The following MLIP variants were observed in gnomAD, a reference collection of about 807,000 sequenced individuals.
MLIP encodes muscular LMNA-interacting protein.
A neutral mutation model predicts 84.8 loss-of-function variants in MLIP; 79 were observed. The ratio of observed to expected loss-of-function variants is 0.93; its 90% CI spans 0.78 to 1.12. The LOEUF is 1.12. MLIP is among the 50% of genes most tolerant of loss of function. The pLI is 0.00. For synonymous variants in MLIP, 504 were observed against 463.0 expected (o/e 1.09, Z -1.14); for missense variants, 1,257 against 1,160.6 (o/e 1.08, Z -1.21).
intron 11 of MLIP, among the ~76,000 whole-genome samples, chr6:54,205,170 C>T (rs981702891): frequency 1.3e-5 from 2 of 152,208 alleles, no homozygotes; most frequent in Non-Finnish European, 2.9e-5. Context: ...AGGGTAGATG[C>T]TTACGTCTGC....
At chr6:54,133,061 G>T (rs1373680162) in intron 3 of MLIP, among the ~76,000 whole-genome samples, 4 of 152,120 alleles carry the variant, frequency 2.6e-5, no homozygotes, top group Non-Finnish European at 5.9e-5. Flanking sequence ...ATGCTGGCAA[G>T]AAGGTTGAGA....
chr6:54,120,494 C>G (rs893533846), intron 1 of MLIP, among the ~76,000 whole-genome samples: 3 of 152,214 alleles, frequency 2.0e-5, no homozygotes, highest in African/African-American at 7.2e-5. Context: ...CCGCCTTGGC[C>G]TCCCAAAGTG....
chr6:54,055,179 C>T (rs983130384), intron 1 of MLIP, among the ~76,000 whole-genome samples: 1 of 152,240 alleles, frequency 6.6e-6, no homozygotes, highest in African/African-American at 2.4e-5. Flanking sequence ...AGCCACCGCA[C>T]CCGGCCTCAT....
At chr6:54,253,152 T>C (rs538358672) in intron 12 of MLIP, among the ~76,000 whole-genome samples, 1 of 152,258 alleles carries the variant, frequency 6.6e-6, no homozygotes, top group East Asian at 1.9e-4. Context: ...TGGCATCTAG[T>C]CTTGTAATGA....
At chr6:54,154,270 A>G (rs1265698098) in intron 5 of MLIP, among the ~76,000 whole-genome samples, 1 of 152,158 alleles carries the variant, frequency 6.6e-6, no homozygotes, top group Non-Finnish European at 1.5e-5. Context: ...CATAAAAAAA[A>G]TAAAGTAGAC....
intron 4 of MLIP, among the ~76,000 whole-genome samples, chr6:54,145,700 C>G (rs1772738338): frequency 6.6e-6 from 1 of 151,854 alleles, no homozygotes; most frequent in Non-Finnish European, 1.5e-5. Flanking sequence ...TGCTTGAGCT[C>G]AGGAGTTAGA....
At chr6:54,257,071 T>C (rs1783055441) in intron 12 of MLIP, among the ~76,000 whole-genome samples, 2 of 152,150 alleles carry the variant, frequency 1.3e-5, no homozygotes, top group Non-Finnish European at 2.9e-5. Flanking sequence ...TTAGAGTTGA[T>C]GTGTGACATA....
At chr6:54,170,191 G>T (rs552279322) in intron 9 of MLIP, among the ~76,000 whole-genome samples, 1 of 151,778 alleles carries the variant, frequency 6.6e-6, no homozygotes, top group South Asian at 2.1e-4. Flanking sequence ...GTCAACTTCT[G>T]CTTCTGACCA....
chr6:54,169,593 A>T lies in MLIP; in HGVS notation c.2544+21A>T, dbSNP rs371421765. The T allele has an allele frequency of 2.4e-5, 38 of 1,554,946 alleles. 1 individual carries two copies. The highest frequency in any genetic ancestry group is 2.3e-4 in the African/African-American group (17 of 72,750). On this transcript the variant is annotated intron_variant, in intron 9 of 13. Coordinates refer to ENST00000502396, the MANE Select transcript of MLIP (RefSeq NM_001281747.2). The stretch of plus-strand genomic sequence containing the variant: ...AATATGTAAGTACCTTTATAATTAT[A>T]CACACTGCTTTTCAAATGGGTGCCT...
chr6:54,222,688 C>T (rs757826537), intron 11 of MLIP, among the ~76,000 whole-genome samples: 1 of 152,050 alleles, frequency 6.6e-6, no homozygotes, highest in Non-Finnish European at 1.5e-5. Flanking sequence ...CATGAAAGTA[C>T]AGATATCTCT....
At chr6:54,243,725 T>C (rs6458988) in intron 12 of MLIP, among the ~76,000 whole-genome samples, 49,744 of 152,030 alleles carry the variant, frequency 0.33, 11,564 homozygotes, top group African/African-American at 0.66. Context: ...ATCAATAAAG[T>C]GGCATTACCA....
At position 54,190,137 on chromosome 6, in the gene MLIP, A is replaced by T. The variant is rs1206533467; in HGVS notation, c.2589+223A>T. Among the ~76,000 whole-genome samples, 3 of 152,208 alleles carry T rather than the reference A, an allele frequency of 2.0e-5. No individual in the cohort carries two copies. In the East Asian group the frequency reaches 5.8e-4, roughly 29 times the overall value. ...TAGACCTTACTTGCTAGTAACTTAC[A>T]TCCAAGTAGAGGCATTAGAAGAGAT... On this transcript the variant is annotated intron_variant, in intron 10 of 13. Transcript: ENST00000502396.
intron 1 of MLIP, among the ~76,000 whole-genome samples, chr6:54,030,181 T>C (rs966568390): frequency 6.6e-6 from 1 of 152,224 alleles, no homozygotes; most frequent in Non-Finnish European, 1.5e-5. Flanking sequence ...CTTTTAATTG[T>C]ATTTTTGTTC....
rs148029649 is a variant in MLIP, at chr6:54,261,025, A to T, written c.2976+3664A>T. ...CATTTTCAAAGAAGAATACTTTCAT[A>T]GATTTTTACTGTTCACACCAATGCA... On this transcript the variant is annotated intron_variant, in intron 13 of 13. Transcript: ENST00000502396. 4.2e-3 allele frequency among the ~76,000 whole-genome samples: 641 copies of T among 152,166 alleles called. 4 individuals carry two copies. The highest frequency in any genetic ancestry group is 0.014 in the African/African-American group (601 of 41,562).
At chr6:54,118,126 C>G (rs1770118539) in intron 1 of MLIP, among the ~76,000 whole-genome samples, 1 of 152,176 alleles carries the variant, frequency 6.6e-6, no homozygotes, top group African/African-American at 2.4e-5. Context: ...CAACGCAACT[C>G]CTATCAAAAT....
At chr6:54,200,064 G>T (rs1778562417) in intron 10 of MLIP, among the ~76,000 whole-genome samples, 1 of 152,122 alleles carries the variant, frequency 6.6e-6, no homozygotes, top group African/African-American at 2.4e-5. Flanking sequence ...AAAACTGGTA[G>T]AGAAGCAAAT....
At chr6:54,243,888 G>A (rs1032244923) in intron 12 of MLIP, among the ~76,000 whole-genome samples, 2 of 152,174 alleles carry the variant, frequency 1.3e-5, no homozygotes, top group Non-Finnish European at 2.9e-5. Flanking sequence ...AAGATGCAAA[G>A]TGACATACCC....
intron 10 of MLIP, among the ~76,000 whole-genome samples, chr6:54,200,990 A>ATG (rs1778639315): frequency 1.3e-5 from 2 of 152,354 alleles, no homozygotes; most frequent in Non-Finnish European, 2.9e-5. Flanking sequence ...CCAAAAGGAA[A>ATG]TGGGGTTGAG....
At chr6:54,094,308 T>G (rs1768063029) in intron 1 of MLIP, among the ~76,000 whole-genome samples, 1 of 151,962 alleles carries the variant, frequency 6.6e-6, no homozygotes, top group Non-Finnish European at 1.5e-5. Context: ...GCTCTACATA[T>G]TGAGGCTTAA....
Sources: gnomAD v4.1 joint callset for allele counts (sites outside exome capture counted in the v4.1 genomes callset) on GRCh38, gnomAD v4.1.1 for gene constraint, MANE v1.5 for transcripts, NCBI Gene and HGNC (gene_info 2026-07-23, HGNC 2026-07-21) for gene names.